ADCY10: variants seen among roughly 807,000 people sequenced by gnomAD.
ADCY10 encodes the protein adenylate cyclase 10.
ADCY10 carries 156 observed loss-of-function variants against 183.3 expected under a neutral mutation model. That is an observed-to-expected ratio of 0.85 (90% CI 0.75 to 0.97). ADCY10 has a LOEUF of 0.97. ADCY10 is among the 50% of genes least tolerant of loss of function. The pLI is 0.00. For missense variants in ADCY10, 1,745 were observed against 1,934.3 expected, an observed-to-expected ratio of 0.90 and a Z score of 1.84; for synonymous variants, 645 against 670.0, an observed-to-expected ratio of 0.96 and a Z score of 0.58.
chr1:167,880,672 GA>G, intron 9 of ADCY10, 63 bp from the exon 10 acceptor site: 2 of 1,292,162 alleles, frequency 1.5e-6, no homozygotes, highest in Non-Finnish European at 2.3e-6. Flanking sequence ...GGACTGGCCA[GA>G]AGGCTCAACA....
At chr1:167,894,623 G>A (rs1571430534) in intron 7 of ADCY10, among the ~76,000 whole-genome samples, 1 of 151,398 alleles carries the variant, frequency 6.6e-6, no homozygotes, top group Admixed American at 6.6e-5. Flanking sequence ...AAAAAAATGT[G>A]TGTGTGTGTG....
intron 8 of ADCY10, among the ~76,000 whole-genome samples, chr1:167,893,352 T>C (rs1049071818): frequency 4.6e-5 from 7 of 152,226 alleles, no homozygotes; most frequent in African/African-American, 2.4e-5. Context: ...ATTATAATTA[T>C]GAATAATGAT....
intron 8 of ADCY10, among the ~76,000 whole-genome samples, chr1:167,885,240 C>T (rs1454134535): frequency 6.6e-6 from 1 of 152,198 alleles, no homozygotes; most frequent in African/African-American, 2.4e-5. Context: ...AATAGCACTG[C>T]AGTAAACATG....
chr1:167,912,328 C>T (rs12080729), intron 1 of ADCY10, among the ~76,000 whole-genome samples: 4,552 of 152,264 alleles, frequency 0.03, 237 homozygotes, highest in African/African-American at 0.1. Flanking sequence ...CAAATGAAGG[C>T]CATTAGAAAC....
rs1669257182 is a variant in ADCY10, at chr1:167,899,681, A to G, written c.437-53T>C. 2.6e-6 allele frequency: 4 copies of G among 1,568,296 alleles called. No homozygotes were observed. In the African/African-American group the frequency reaches 5.4e-5, roughly 21 times the overall value. ...CACAAGAAGTTCTGGATTATTTCCC[A>G]GCAGCACAGGTTTTTGGAAAAACCA... On this transcript the variant is annotated intron_variant, in intron 5 of 32. Coordinates refer to ENST00000367851, the MANE Select transcript of ADCY10 (RefSeq NM_018417.6).
At chr1:167,894,107 C>G (rs993977820) in intron 7 of ADCY10, among the ~76,000 whole-genome samples, 166 bp from the exon 8 acceptor site, 4 of 152,102 alleles carry the variant, frequency 2.6e-5, no homozygotes, top group Admixed American at 2.6e-4. Context: ...CAGGGGAAAT[C>G]CAAAGAGGAG....
chr1:167,884,530 T>C (rs1668086804), intron 8 of ADCY10, among the ~76,000 whole-genome samples: 1 of 152,110 alleles, frequency 6.6e-6, no homozygotes, highest in South Asian at 2.1e-4. Context: ...AAATTATTTT[T>C]TACTATAGTT....
rs376228912 is a variant in ADCY10 at position 167,911,796 on chromosome 1, G to C, written c.-59+2180C>G. Among the ~76,000 whole-genome samples the C allele has an allele frequency of 2.0e-5, 3 of 152,332 alleles. No homozygotes were observed. The East Asian group carries it at 5.8e-4, about 29-fold the overall frequency. ...TTTCAAACAGAGGTGATTTTAGTCA[G>C]TGTAGAGATGAATTAGATGATTGTT... On this transcript the variant is annotated intron_variant, in intron 1 of 32. Transcript: ENST00000367851.
chr1:167,881,870 G>C (rs573487520), intron 9 of ADCY10, among the ~76,000 whole-genome samples: 1 of 152,328 alleles, frequency 6.6e-6, no homozygotes, highest in Admixed American at 6.5e-5. Flanking sequence ...CAGTATTGAA[G>C]AAGGTACTGG....
At chr1:167,825,299 A>G (rs757048806) in intron 26 of ADCY10, among the ~76,000 whole-genome samples, 5 of 150,166 alleles carry the variant, frequency 3.3e-5, no homozygotes, top group Non-Finnish European at 7.4e-5. Flanking sequence ...AAAAAGAAAG[A>G]AAGGTTGGTT....
Position 167,893,933 on chromosome 1 carries a change from T to C in ADCY10, c.748A>G (p.Arg250Gly), listed in dbSNP as rs758603593. The C allele has an allele frequency of 3.7e-6, 6 of 1,613,088 alleles. No individual in the cohort carries two copies. Among genetic ancestry groups the C allele is most frequent in the Non-Finnish European group, 5.1e-6 (6 of 1,179,304 alleles). Residue 250 changes from arginine to glycine, a missense_variant, in exon 8 of 33, where the codon AGG becomes GGG. Arg to Gly is a moderately radical substitution (Grantham distance 125, BLOSUM62 -2). Transcript: ENST00000367851. ...TCAGGCTTCAGCGTGCATGCAAGCCTCAGGAGGTCTAAGAAGGCAGAAGGA... is the reference window on the plus strand; with the variant it reads ...TCAGGCTTCAGCGTGCATGCAAGCCCCAGGAGGTCTAAGAAGGCAGAAGGA... ...YPSGEHKNLL[R>G]LACTLKPDPE...
At chr1:167,852,956 T>C (rs533468438) in intron 18 of ADCY10, among the ~76,000 whole-genome samples, 4 of 152,302 alleles carry the variant, frequency 2.6e-5, no homozygotes, top group African/African-American at 9.6e-5. Flanking sequence ...GCATCATTCA[T>C]TCACCCAGGA....
In ADCY10 at chr1:167,893,770, GT is replaced by G. The variant is rs113505249; in HGVS notation, c.828+82del. ...ATTTTACTATTTACTAGTAGCTGCT[GT>G]TTTTTTTTTCTTAAATCTTAAAATT... On this transcript the variant is annotated intron_variant, in intron 8 of 32. Coordinates refer to ENST00000367851, the MANE Select transcript of ADCY10 (RefSeq NM_018417.6). 2.4e-3 allele frequency: 1,791 copies of G among 741,208 alleles called. 4 individuals carry two copies. The African/African-American group carries it at 0.024, about 10-fold the overall frequency. 45.9% of individuals were successfully genotyped at this position (741,208 alleles called of 1,614,324 possible).
rs182866772 is a variant in ADCY10, at chr1:167,819,568, T to A, written c.4287-1301A>T. Among the ~76,000 whole-genome samples the A allele has an allele frequency of 8.6e-5, 13 of 151,580 alleles. No individual in the cohort carries two copies. In the East Asian group the frequency reaches 2.3e-3, roughly 27 times the overall value. ...TATGATTTTTTTATTTTTTATTTTTTTTTATTTTTTGAGACCCAAGTTTTG... is the reference window on the plus strand; with the variant it reads ...TATGATTTTTTTATTTTTTATTTTTATTTATTTTTTGAGACCCAAGTTTTG... On this transcript the variant is annotated intron_variant, in intron 30 of 32. Transcript: ENST00000367851.
At chr1:167,853,211 TTAA>T (rs1665630264) in intron 18 of ADCY10, among the ~76,000 whole-genome samples, 1 of 152,224 alleles carries the variant, frequency 6.6e-6, no homozygotes, top group Non-Finnish European at 1.5e-5. Flanking sequence ...CTTATAGCTG[TTAA>T]ATCATCGTAT....
intron 9 of ADCY10, among the ~76,000 whole-genome samples, chr1:167,882,484 CAAAAAAA>C (rs71100909): frequency 4.2e-5 from 3 of 71,142 alleles, no homozygotes; most frequent in Admixed American, 1.6e-4. Flanking sequence ...GATTCCGTCT[CAAAAAAA>C]AAAAAAAAAA....
At chr1:167,833,823 C>A (rs1301398019) in intron 24 of ADCY10, 147 bp downstream of exon 24, 19 of 674,280 alleles carry the variant, frequency 2.8e-5, no homozygotes, top group Non-Finnish European at 4.5e-5. Context: ...GAGGTTGGAG[C>A]CCAGGGATTT....
In ADCY10 at chr1:167,846,038, G is replaced by C; in HGVS notation, c.2663C>G (p.Pro888Arg). ...ELQKALKQND[P>R]SFEVHYRSLS... is the part of the protein sequence containing the mutation. ...GGAACGATAGTGCACCTCAAATGAG[G>C]GATCATTCTGTTTCAGGGCCTTTTG... The change falls in exon 20 of 33, where the codon CCC becomes CGC. Residue 888 changes from proline (P) to arginine (R), a missense_variant. Pro to Arg is a moderately radical substitution (Grantham distance 103, BLOSUM62 -2). Transcript: ENST00000367851. 6.2e-7 allele frequency: 1 copy of C among 1,614,154 alleles called. No homozygotes were observed. The highest frequency in any genetic ancestry group is 8.5e-7 in the Non-Finnish European group (1 of 1,180,030).
chr1:167,834,356 G>C, intron 23 of ADCY10: 1 of 514,616 alleles, frequency 1.9e-6, no homozygotes, highest in Non-Finnish European at 3.5e-6. Flanking sequence ...TATCATCTAG[G>C]TTGCCTTACC....
Sources: gnomAD v4.1 joint callset for allele counts (sites outside exome capture counted in the v4.1 genomes callset) on GRCh38, gnomAD v4.1.1 for gene constraint, MANE v1.5 for transcripts, NCBI Gene and HGNC (gene_info 2026-07-23, HGNC 2026-07-21) for gene names.